Variants in MAGI1 observed in about 807,000 individuals in gnomAD.
MAGI1 encodes membrane associated guanylate kinase, WW and PDZ domain containing 1.
MAGI1 carries 58 observed loss-of-function variants against 139.9 expected under a neutral mutation model. The observed-to-expected ratio is 0.41, with a 90% confidence interval of 0.34 to 0.52. MAGI1 has a LOEUF of 0.52. MAGI1 is among the 20% of genes least tolerant of loss of function. The pLI is 0.12. For synonymous variants in MAGI1, 812 were observed against 737.9 expected, an observed-to-expected ratio of 1.10 and a Z score of -1.63; for missense variants, 1,874 against 1,901.6, an observed-to-expected ratio of 0.99 and a Z score of 0.27.
chr3:65,684,868 A>ATTTTTT (rs761948943), intron 1 of MAGI1, among the ~76,000 whole-genome samples: 20 of 98,178 alleles, frequency 2.0e-4, no homozygotes, highest in African/African-American at 9.0e-4. Context: ...CACCTGGCTA[A>ATTTTTT]TTTTTTTTTT....
intron 1 of MAGI1, among the ~76,000 whole-genome samples, chr3:65,976,218 C>T (rs1342878308): frequency 1.3e-5 from 2 of 152,152 alleles, no homozygotes; most frequent in African/African-American, 2.4e-5. Flanking sequence ...AAGATATTCA[C>T]GAATTAAGCA....
chr3:65,895,133 A>G (rs1197914195), intron 1 of MAGI1, among the ~76,000 whole-genome samples: 1 of 152,244 alleles, frequency 6.6e-6, no homozygotes, highest in Non-Finnish European at 1.5e-5. Flanking sequence ...TAATCTGATA[A>G]TAAATCCATC....
At chr3:65,697,350 G>A (rs964698881) in intron 1 of MAGI1, among the ~76,000 whole-genome samples, 7 of 150,098 alleles carry the variant, frequency 4.7e-5, no homozygotes, top group African/African-American at 1.5e-4. Context: ...TAGAAAAAGA[G>A]GGAATCCTCC....
At chr3:65,911,938 A>G (rs74318871) in intron 1 of MAGI1, among the ~76,000 whole-genome samples, 3,160 of 152,322 alleles carry the variant, frequency 0.021, 73 homozygotes, top group East Asian at 0.069. Flanking sequence ...AACCAGTCCA[A>G]GGCAAAGAGA....
intron 2 of MAGI1, among the ~76,000 whole-genome samples, chr3:65,599,086 T>C (rs1320522249): frequency 1.3e-5 from 2 of 151,896 alleles, no homozygotes; most frequent in East Asian, 1.9e-4. Context: ...CAGGAGGAGA[T>C]AAAGGGGCTG....
At chr3:65,701,453 A>G (rs918399147) in intron 1 of MAGI1, among the ~76,000 whole-genome samples, 1 of 152,168 alleles carries the variant, frequency 6.6e-6, no homozygotes, top group Non-Finnish European at 1.5e-5. Context: ...GGGTTTCGCC[A>G]TGTTGGCCAG....
At chr3:65,861,914 G>A (rs147302151) in intron 1 of MAGI1, among the ~76,000 whole-genome samples, 31 of 152,284 alleles carry the variant, frequency 2.0e-4, no homozygotes, top group African/African-American at 5.8e-4. Context: ...GCTAAATCAC[G>A]TCACGCATCA....
At chr3:65,358,380 T>A (rs1456731316) in intron 22 of MAGI1, among the ~76,000 whole-genome samples, 1 of 152,116 alleles carries the variant, frequency 6.6e-6, no homozygotes, top group Non-Finnish European at 1.5e-5. Context: ...TCTTTAAGGA[T>A]CTTTCATGAG....
intron 1 of MAGI1, among the ~76,000 whole-genome samples, chr3:65,707,746 T>G (rs1256101027): frequency 6.6e-6 from 1 of 151,046 alleles, no homozygotes. Context: ...AGATAATTAT[T>G]AAGCCACAAA....
intron 1 of MAGI1, among the ~76,000 whole-genome samples, chr3:65,725,444 C>T (rs1499498): frequency 0.34 from 51,509 of 152,028 alleles, 9,861 homozygotes; most frequent in African/African-American, 0.5. Flanking sequence ...CAGGGTATCA[C>T]AGATCTTGTT....
chr3:65,743,909 T>C (rs1275442565), intron 1 of MAGI1, among the ~76,000 whole-genome samples: 5 of 152,152 alleles, frequency 3.3e-5, no homozygotes, highest in Admixed American at 6.5e-5. Context: ...AGATAATATA[T>C]ACTCACCAAG....
At chr3:66,037,011 C>T (rs1056433860) in intron 1 of MAGI1, among the ~76,000 whole-genome samples, 1 of 152,174 alleles carries the variant, frequency 6.6e-6, no homozygotes, top group African/African-American at 2.4e-5. Context: ...CCACTCCCTC[C>T]TCAGGAATCA....
intron 2 of MAGI1, among the ~76,000 whole-genome samples, chr3:65,534,903 A>G (rs1199210097): frequency 6.6e-6 from 1 of 152,142 alleles, no homozygotes; most frequent in Non-Finnish European, 1.5e-5. Flanking sequence ...AGTTTGTTCA[A>G]CCCCATCACC....
intron 1 of MAGI1, among the ~76,000 whole-genome samples, chr3:65,944,029 G>GA (rs1410593515): frequency 3.3e-5 from 5 of 152,052 alleles, no homozygotes; most frequent in Admixed American, 1.3e-4. Context: ...TGAGTTCCAG[G>GA]AAAAAAACAT....
intron 1 of MAGI1, among the ~76,000 whole-genome samples, chr3:65,711,474 CA>C (rs139865755): frequency 0.072 from 10,979 of 151,706 alleles, 1,021 homozygotes; most frequent in East Asian, 0.3. Flanking sequence ...TACCTACAGA[CA>C]AAAAAAACAC....
intron 1 of MAGI1, among the ~76,000 whole-genome samples, chr3:65,823,622 C>T (rs1382243316): frequency 1.3e-5 from 2 of 152,206 alleles, no homozygotes; most frequent in Non-Finnish European, 2.9e-5. Flanking sequence ...ATTACTGTTA[C>T]ACCTCCAGGT....
chr3:65,473,338 T>C (rs1430304966), intron 4 of MAGI1, among the ~76,000 whole-genome samples: 1 of 152,104 alleles, frequency 6.6e-6, no homozygotes, highest in Admixed American at 6.6e-5. Context: ...ATCTGTAAAA[T>C]GGGCATAATG....
intron 1 of MAGI1, among the ~76,000 whole-genome samples, chr3:65,784,077 T>C (rs549972488): frequency 1.3e-4 from 19 of 151,902 alleles, no homozygotes; most frequent in Middle Eastern, 3.4e-3. Flanking sequence ...GACCTGAGAT[T>C]GTGCCATTGC....
chr3:65,558,693 A>G (rs1162752275), intron 2 of MAGI1, among the ~76,000 whole-genome samples: 1 of 151,986 alleles, frequency 6.6e-6, no homozygotes, highest in African/African-American at 2.4e-5. Flanking sequence ...AAACAAACAC[A>G]CAAAAAAAAC....
Sources: gnomAD v4.1 joint callset for allele counts (sites outside exome capture counted in the v4.1 genomes callset) on GRCh38, gnomAD v4.1.1 for gene constraint, MANE v1.5 for transcripts, NCBI Gene and HGNC (gene_info 2026-07-23, HGNC 2026-07-21) for gene names.